CDKAL1: variants seen among roughly 807,000 people sequenced by gnomAD.
CDKAL1 encodes threonylcarbamoyladenosine tRNA methylthiotransferase.
Under a neutral mutation model 68.2 loss-of-function variants are expected in CDKAL1, and 32 were observed. That is an observed-to-expected ratio of 0.47 (90% CI 0.35 to 0.63). CDKAL1 has a LOEUF of 0.63. Ranked by LOEUF, CDKAL1 falls within the 30% of genes least tolerant of loss-of-function variation. The probability of loss-of-function intolerance (pLI) is 0.00; values close to 1 mark genes in which losing one functional copy is unlikely to be tolerated. For synonymous variants in CDKAL1, 234 were observed against 244.3 expected, an observed-to-expected ratio of 0.96 and a Z score of 0.39; for missense variants, 606 against 696.7, an observed-to-expected ratio of 0.87 and a Z score of 1.47.
intron 13 of CDKAL1, among the ~76,000 whole-genome samples, chr6:21,183,401 G>T (rs773899252): frequency 6.6e-6 from 1 of 152,102 alleles, no homozygotes; most frequent in African/African-American, 2.4e-5. Flanking sequence ...TAATTCCTCC[G>T]GCACCTTTTT....
chr6:20,781,196 G>C lies in CDKAL1; in HGVS notation c.569G>C (p.Gly190Ala). ...GQKKDNGRRL[G>A]GARLDLPKIR... ...AAAAAGGATAATGGAAGGCGGCTTG[G>C]GGGAGCACGATTGGATTTGCCGAAG... Residue 190 changes from glycine to alanine, a missense_variant, in exon 8 of 16, where the codon GGG becomes GCG. Transcript: ENST00000274695. 4 of 1,613,876 alleles carry C rather than the reference G, an allele frequency of 2.5e-6. No homozygotes were observed. The highest frequency in any genetic ancestry group is 1.7e-5 in the Admixed American group (1 of 59,984).
intron 9 of CDKAL1, among the ~76,000 whole-genome samples, chr6:20,926,164 A>G (rs980999548): frequency 3.9e-5 from 6 of 152,134 alleles, no homozygotes; most frequent in Non-Finnish European, 8.8e-5. Flanking sequence ...AAAAGAATCT[A>G]TGGAAATTCG....
At chr6:21,077,280 A>G (rs1057396536) in intron 12 of CDKAL1, among the ~76,000 whole-genome samples, 6 of 152,174 alleles carry the variant, frequency 3.9e-5, no homozygotes, top group Non-Finnish European at 7.4e-5. Context: ...ATCTTCTTGA[A>G]TTCAAATAGG....
chr6:20,948,218 T>C (rs1764351901), intron 9 of CDKAL1, among the ~76,000 whole-genome samples: 2 of 152,080 alleles, frequency 1.3e-5, no homozygotes. Context: ...GGTCTTGCTC[T>C]GTTGCCCAGG....
At chr6:21,018,980 C>T (rs755730734) in intron 11 of CDKAL1, among the ~76,000 whole-genome samples, 9 of 152,194 alleles carry the variant, frequency 5.9e-5, no homozygotes, top group Non-Finnish European at 1.3e-4. Flanking sequence ...GACAGAGTCT[C>T]GCTCTGTCAC....
intron 10 of CDKAL1, among the ~76,000 whole-genome samples, chr6:20,976,912 TAG>T (rs1389574411): frequency 3.3e-5 from 5 of 152,358 alleles, no homozygotes; most frequent in African/African-American, 9.6e-5. Flanking sequence ...TGTTAAATAT[TAG>T]GTTAATTTCC....
chr6:20,810,367 GTCTCTCTC>G (rs5874785), intron 8 of CDKAL1, among the ~76,000 whole-genome samples: 3 of 136,408 alleles, frequency 2.2e-5, no homozygotes, highest in Non-Finnish European at 3.1e-5. Flanking sequence ...CATAGTGAGA[GTCTCTCTC>G]TCTCTCTCTC....
intron 10 of CDKAL1, among the ~76,000 whole-genome samples, chr6:20,986,463 T>C (rs903610263): frequency 1.3e-5 from 2 of 152,122 alleles, no homozygotes; most frequent in African/African-American, 2.4e-5. Context: ...AGAGAAAAAA[T>C]GTATATTTTT....
At chr6:21,007,595 A>G (rs1238277573) in intron 11 of CDKAL1, among the ~76,000 whole-genome samples, 1 of 152,038 alleles carries the variant, frequency 6.6e-6, no homozygotes, top group Non-Finnish European at 1.5e-5. Context: ...GCATATATTA[A>G]TTAAATGATT....
intron 8 of CDKAL1, among the ~76,000 whole-genome samples, chr6:20,815,287 TTC>T (rs201858897): frequency 0.011 from 1,685 of 152,262 alleles, 29 homozygotes; most frequent in African/African-American, 0.038. Context: ...GATACTTTGT[TTC>T]TCTGTTTTTA....
At chr6:20,897,911 A>G (rs1013359951) in intron 9 of CDKAL1, among the ~76,000 whole-genome samples, 1 of 152,198 alleles carries the variant, frequency 6.6e-6, no homozygotes, top group Non-Finnish European at 1.5e-5. Context: ...TTAAAATACA[A>G]TAAAAATCTA....
intron 6 of CDKAL1, among the ~76,000 whole-genome samples, chr6:20,741,084 A>G (rs540212025): frequency 1.3e-5 from 2 of 152,198 alleles, no homozygotes; most frequent in African/African-American, 4.8e-5. Context: ...CATTTTGGCA[A>G]CATTTTTTAA....
chr6:20,881,489 T>C (rs77115233), intron 9 of CDKAL1, among the ~76,000 whole-genome samples: 1,631 of 152,342 alleles, frequency 0.011, 27 homozygotes, highest in African/African-American at 0.037. Context: ...ATGGACTCTT[T>C]CTGTTTTCTA....
At chr6:20,816,220 A>C (rs926836916) in intron 8 of CDKAL1, among the ~76,000 whole-genome samples, 2 of 151,296 alleles carry the variant, frequency 1.3e-5, no homozygotes, top group African/African-American at 4.9e-5. Flanking sequence ...ATCTACAAAG[A>C]CCCTGTTTTC....
At chr6:20,855,437 C>T (rs1328351482) in intron 9 of CDKAL1, among the ~76,000 whole-genome samples, 3 of 97,788 alleles carry the variant, frequency 3.1e-5, no homozygotes, top group East Asian at 3.0e-4. Flanking sequence ...AGCGAGACTC[C>T]GTCTCAAAAA....
At chr6:21,192,810 CTTTT>C (rs34456723) in intron 13 of CDKAL1, among the ~76,000 whole-genome samples, 1 of 124,866 alleles carries the variant, frequency 8.0e-6, no homozygotes, top group Admixed American at 8.1e-5. Flanking sequence ...TTGAGAGTTC[CTTTT>C]TTTTTTTTTT....
intron 6 of CDKAL1, among the ~76,000 whole-genome samples, chr6:20,750,689 C>T (rs1167992961): frequency 3.3e-5 from 5 of 151,998 alleles, no homozygotes; most frequent in Admixed American, 1.3e-4. Flanking sequence ...ATCAGCCAGG[C>T]GTGGTGACTC....
intron 15 of CDKAL1, among the ~76,000 whole-genome samples, chr6:21,206,720 A>G (rs1322608675): frequency 6.6e-6 from 1 of 152,184 alleles, no homozygotes; most frequent in Non-Finnish European, 1.5e-5. Context: ...GACAGTTGCT[A>G]TGATCAAGTA....
At chr6:21,199,068 C>T (rs1167773674) in intron 14 of CDKAL1, among the ~76,000 whole-genome samples, 1 of 152,196 alleles carries the variant, frequency 6.6e-6, no homozygotes. Flanking sequence ...GAGCTTCCTA[C>T]TTTTTTGCTT....
Sources: gnomAD v4.1 joint callset for allele counts (sites outside exome capture counted in the v4.1 genomes callset) on GRCh38, gnomAD v4.1.1 for gene constraint, MANE v1.5 for transcripts, NCBI Gene and HGNC (gene_info 2026-07-23, HGNC 2026-07-21) for gene names.